Variants in CNTNAP2 observed in about 807,000 individuals in gnomAD.
The protein encoded by CNTNAP2 is contactin associated protein 2, also known as contactin-associated protein-like 2.
In CNTNAP2, 98 loss-of-function variants were observed where a neutral mutation model predicts 155.2. The observed-to-expected ratio is 0.63, with a 90% confidence interval of 0.54 to 0.75. CNTNAP2 has a LOEUF of 0.75. CNTNAP2 is among the 30% of genes least tolerant of loss of function. The pLI, the probability that CNTNAP2 is intolerant of heterozygous loss-of-function variation, is 0.00. For missense variants in CNTNAP2, 1,727 were observed against 1,688.1 expected, an observed-to-expected ratio of 1.02 and a Z score of -0.40; for synonymous variants, 651 against 631.2, an observed-to-expected ratio of 1.03 and a Z score of -0.47.
chr7:146,753,712 C>T (rs1801944815), intron 1 of CNTNAP2, among the ~76,000 whole-genome samples: 1 of 151,872 alleles, frequency 6.6e-6, no homozygotes, highest in Non-Finnish European at 1.5e-5. Flanking sequence ...CCATTTTCAC[C>T]TGTGTTTATC....
intron 8 of CNTNAP2, among the ~76,000 whole-genome samples, chr7:147,298,957 C>T (rs1342761480): frequency 6.6e-6 from 1 of 152,192 alleles, no homozygotes; most frequent in Non-Finnish European, 1.5e-5. Flanking sequence ...TATAAATTAT[C>T]AGGAGCTTGG....
chr7:146,127,054 C>T (rs377003716), intron 1 of CNTNAP2, among the ~76,000 whole-genome samples: 26 of 152,296 alleles, frequency 1.7e-4, no homozygotes, highest in African/African-American at 5.8e-4. Flanking sequence ...TAGTTCTTCC[C>T]TGTCTCTTAA....
At chr7:148,278,487 G>A (rs1205808144) in intron 21 of CNTNAP2, among the ~76,000 whole-genome samples, 2 of 150,012 alleles carry the variant, frequency 1.3e-5, no homozygotes, top group East Asian at 2.0e-4. Flanking sequence ...GGAGAATGGC[G>A]TGAACCCAGG....
intron 1 of CNTNAP2, among the ~76,000 whole-genome samples, chr7:146,758,877 C>T (rs768558819): frequency 6.6e-6 from 1 of 152,128 alleles, no homozygotes; most frequent in Non-Finnish European, 1.5e-5. Context: ...CTCTCCTCTC[C>T]TTCCCTTTTT....
At chr7:146,566,644 C>G (rs1478262263) in intron 1 of CNTNAP2, among the ~76,000 whole-genome samples, 2 of 151,858 alleles carry the variant, frequency 1.3e-5, no homozygotes, top group Admixed American at 6.6e-5. Context: ...TTGCAGTGGG[C>G]CGAGATCGCA....
chr7:146,534,731 C>A (rs1373483023), intron 1 of CNTNAP2, among the ~76,000 whole-genome samples: 1 of 151,674 alleles, frequency 6.6e-6, no homozygotes, highest in Admixed American at 6.6e-5. Flanking sequence ...TAGACATTAC[C>A]AGTAGAATTC....
At chr7:147,975,655 T>C (rs754856243) in intron 14 of CNTNAP2, among the ~76,000 whole-genome samples, 1 of 152,086 alleles carries the variant, frequency 6.6e-6, no homozygotes, top group Non-Finnish European at 1.5e-5. Context: ...ATTTAAAAAT[T>C]TATTATTAAT....
chr7:146,837,837 G>A (rs572827345), intron 2 of CNTNAP2, among the ~76,000 whole-genome samples: 1 of 152,224 alleles, frequency 6.6e-6, no homozygotes, highest in Admixed American at 6.5e-5. Flanking sequence ...GATGTCTACT[G>A]AATGCCTGGA....
chr7:146,135,056 A>G (rs1797777068), intron 1 of CNTNAP2, among the ~76,000 whole-genome samples: 1 of 152,046 alleles, frequency 6.6e-6, no homozygotes, highest in Non-Finnish European at 1.5e-5. Flanking sequence ...TCTTTTTTAT[A>G]ATGTAACATT....
chr7:146,706,500 G>T (rs1476425119), intron 1 of CNTNAP2, among the ~76,000 whole-genome samples: 1 of 152,114 alleles, frequency 6.6e-6, no homozygotes, highest in African/African-American at 2.4e-5. Context: ...TTATCTAAAT[G>T]AATAGTATAC....
At chr7:147,048,067 A>ATTTTTTTTTTTTTTTTTTTTTTTTTT (rs11352009) in intron 4 of CNTNAP2, among the ~76,000 whole-genome samples, 1 of 90,374 alleles carries the variant, frequency 1.1e-5, no homozygotes. Context: ...CGGAGAGACA[A>ATTTTTTTTTTTTTTTTTTTTTTTTTT]TTTTTTTTTT....
chr7:146,721,393 A>G (rs1801306892), intron 1 of CNTNAP2, among the ~76,000 whole-genome samples: 1 of 128,768 alleles, frequency 7.8e-6, no homozygotes, highest in South Asian at 2.4e-4. Flanking sequence ...TATACATTCT[A>G]TATACATTCT....
intron 15 of CNTNAP2, among the ~76,000 whole-genome samples, chr7:148,099,257 C>T (rs1804042660): frequency 6.6e-6 from 1 of 152,096 alleles, no homozygotes; most frequent in Non-Finnish European, 1.5e-5. Context: ...CTGCTTAGAA[C>T]ATGGGAAGGG....
intron 1 of CNTNAP2, among the ~76,000 whole-genome samples, chr7:146,748,253 C>G (rs1394025668): frequency 1.4e-5 from 2 of 147,446 alleles, no homozygotes; most frequent in Non-Finnish European, 3.0e-5. Flanking sequence ...TCACGCCATT[C>G]TCCCGCCTCA....
At chr7:146,812,478 C>A (rs1166349245) in intron 2 of CNTNAP2, among the ~76,000 whole-genome samples, 1 of 147,724 alleles carries the variant, frequency 6.8e-6, no homozygotes, top group Non-Finnish European at 1.5e-5. Context: ...ACTTTAAGTT[C>A]TAGGGTACAT....
chr7:146,446,545 A>C (rs1040368343), intron 1 of CNTNAP2, among the ~76,000 whole-genome samples: 1 of 152,148 alleles, frequency 6.6e-6, no homozygotes, highest in Non-Finnish European at 1.5e-5. Flanking sequence ...TCTTTGCCTC[A>C]GTGGTCACTG....
At chr7:146,599,054 C>T (rs979420844) in intron 1 of CNTNAP2, among the ~76,000 whole-genome samples, 14 of 152,140 alleles carry the variant, frequency 9.2e-5, no homozygotes, top group Admixed American at 8.5e-4. Flanking sequence ...TCACTCCTTA[C>T]TTTCCCTGTC....
At position 146,696,669 on chromosome 7, in the gene CNTNAP2, CT is replaced by C. The variant is rs200069481; in HGVS notation, c.98-77601del. Reference sequence around the variant, plus strand: ...TACATGCATTCAGTGCTACAAATTTCTCTCTCATCACTGGTTTTGTCGCATC... The same window carrying C: ...TACATGCATTCAGTGCTACAAATTTCCTCTCATCACTGGTTTTGTCGCATC... On this transcript the variant is annotated intron_variant, in intron 1 of 23. Coordinates refer to ENST00000361727, the MANE Select transcript of CNTNAP2 (RefSeq NM_014141.6). Among the ~76,000 whole-genome samples the C allele has an allele frequency of 6.3e-3, 961 of 152,156 alleles. 9 individuals carry two copies. The highest frequency in any genetic ancestry group is 0.022 in the African/African-American group (919 of 41,548).
chr7:147,476,392 A>G, intron 10 of CNTNAP2, among the ~76,000 whole-genome samples: 1 of 151,784 alleles, frequency 6.6e-6, no homozygotes, highest in East Asian at 2.0e-4. Context: ...GGTGTGAGCC[A>G]CCGCGCCCAC....
Sources: allele counts gnomAD v4.1 joint callset (sites outside exome capture counted in the v4.1 genomes callset), GRCh38; gene constraint gnomAD v4.1.1; transcripts MANE v1.5; gene names NCBI Gene and HGNC (gene_info 2026-07-23, HGNC 2026-07-21).